ZNF445: variants seen among roughly 807,000 people sequenced by gnomAD.
ZNF445 encodes zinc finger protein 168.
A neutral mutation model predicts 93.9 loss-of-function variants in ZNF445; 19 were observed. The ratio of observed to expected loss-of-function variants is 0.20; its 90% CI spans 0.14 to 0.30. The LOEUF is 0.30. Ranked by LOEUF, ZNF445 falls within the 10% of genes least tolerant of loss-of-function variation. ZNF445 has a pLI of 1.00. For missense variants in ZNF445, 1,058 were observed against 1,259.4 expected (o/e 0.84, Z 2.42); for synonymous variants, 449 against 446.3 (o/e 1.01, Z -0.08).
At chr3:44,465,465 C>T (rs1453711678) in intron 1 of ZNF445, among the ~76,000 whole-genome samples, 1 of 152,072 alleles carries the variant, frequency 6.6e-6, no homozygotes, top group African/African-American at 2.4e-5. Context: ...TGATGTGGGG[C>T]CAAAATCTGG....
At chr3:44,449,480 G>A (rs1477812931) in intron 7 of ZNF445, 33 bp downstream of exon 7, 1 of 1,513,552 alleles carries the variant, frequency 6.6e-7, no homozygotes, top group African/African-American at 1.4e-5. Flanking sequence ...AAAAGCAGGA[G>A]GAGCAGGACC....
intron 1 of ZNF445, among the ~76,000 whole-genome samples, chr3:44,469,438 A>C (rs1272343618): frequency 6.6e-6 from 1 of 152,206 alleles, no homozygotes; most frequent in Non-Finnish European, 1.5e-5. Context: ...GAAAGATAGG[A>C]ACATGCATGA....
chr3:44,438,612 T>A lies in ZNF445; in HGVS notation c.*7963A>T, dbSNP rs1394243577. The A allele has an allele frequency of 1.3e-5, 2 of 151,956 alleles. No individual in the cohort carries two copies. Among genetic ancestry groups the A allele is most frequent in the East Asian group, 1.9e-4 (1 of 5,164 alleles). 9.4% of individuals were successfully genotyped at this position (151,956 alleles called of 1,614,324 possible). A position where few individuals can be genotyped will look rare whatever the true frequency, so the allele number is the denominator to read the frequency against. Reference sequence around the variant, plus strand: ...TGCCTGGCCAAAAAAATAATTTTTTTAAAAGGACTCCAGGCAATGATAGAC... The same window carrying A: ...TGCCTGGCCAAAAAAATAATTTTTTAAAAAGGACTCCAGGCAATGATAGAC... On this transcript the variant is annotated 3_prime_UTR_variant, in exon 8 of 8. Transcript: ENST00000396077.
chr3:44,473,436 G>A (rs1014429544), intron 1 of ZNF445, among the ~76,000 whole-genome samples: 13 of 141,174 alleles, frequency 9.2e-5, no homozygotes, highest in African/African-American at 2.2e-4. Flanking sequence ...CCTGGGCAAC[G>A]AGAGTGAAAC....
chr3:44,442,312 A>C lies in ZNF445; in HGVS notation c.*4263T>G, dbSNP rs1697822186. The C allele has an allele frequency of 6.6e-6, 1 of 152,216 alleles. No homozygotes were observed. The highest frequency in any genetic ancestry group is 6.5e-5 in the Admixed American group (1 of 15,276). The allele number at this position is 152,216 out of a possible 1,614,324, so 9.4% of individuals were successfully genotyped here. On this transcript the variant is annotated 3_prime_UTR_variant, in exon 8 of 8. Coordinates refer to ENST00000396077, the MANE Select transcript of ZNF445 (RefSeq NM_181489.6). ...AATACTTCAGTGAAGTCTTAAAATCATTCTCTGTTCACATGGCACTTCTCT... is the reference window on the plus strand; with the variant it reads ...AATACTTCAGTGAAGTCTTAAAATCCTTCTCTGTTCACATGGCACTTCTCT...
chr3:44,459,571 G>A (rs184460431), intron 1 of ZNF445, among the ~76,000 whole-genome samples: 5 of 152,188 alleles, frequency 3.3e-5, no homozygotes, highest in East Asian at 1.9e-4. Flanking sequence ...ACTTTTTAGC[G>A]GTGAAAATAT....
intron 1 of ZNF445, among the ~76,000 whole-genome samples, chr3:44,463,553 T>C (rs1469391456): frequency 1.3e-5 from 2 of 152,206 alleles, no homozygotes; most frequent in African/African-American, 2.4e-5. Flanking sequence ...TGTTATCTGA[T>C]GGTTTTGAGT....
intron 1 of ZNF445, among the ~76,000 whole-genome samples, chr3:44,461,472 A>C (rs1698113753): frequency 3.9e-5 from 6 of 152,170 alleles, no homozygotes; most frequent in Admixed American, 2.0e-4. Context: ...TGCTGATGGA[A>C]GTCCAGCAGG....
intron 1 of ZNF445, among the ~76,000 whole-genome samples, chr3:44,462,044 T>C (rs1430155946): frequency 2.3e-5 from 3 of 132,032 alleles, no homozygotes; most frequent in Non-Finnish European, 4.9e-5. Context: ...ATGTCACTAT[T>C]TGTCTCTCTG....
intron 1 of ZNF445, among the ~76,000 whole-genome samples, chr3:44,464,119 C>A (rs1305076563): frequency 6.6e-6 from 1 of 151,920 alleles, no homozygotes; most frequent in Non-Finnish European, 1.5e-5. Flanking sequence ...CAGTGAGACT[C>A]CATCTCAAAA....
In ZNF445 at chr3:44,436,967, G is replaced by GA. The variant is rs1187662193; in HGVS notation, c.*9607dup. On this transcript the variant is annotated 3_prime_UTR_variant, in exon 8 of 8. Transcript: ENST00000396077. ...GAGAGGGTTCTTGGATCTCGCACAA[G>GA]AAAGAATTCAGGGCGAGTCCGTAAA... 6.6e-6 allele frequency: 1 copy of GA among 152,162 alleles called. No homozygotes were observed. Among genetic ancestry groups the GA allele is most frequent in the Non-Finnish European group, 1.5e-5 (1 of 68,048 alleles). The allele number at this position is 152,162 out of a possible 1,614,324, so 9.4% of individuals were successfully genotyped here.
intron 1 of ZNF445, among the ~76,000 whole-genome samples, chr3:44,472,173 T>C (rs956206276): frequency 1.3e-5 from 2 of 152,206 alleles, no homozygotes; most frequent in South Asian, 2.1e-4. Flanking sequence ...GAGAAAGAAA[T>C]TGAGGCCAGA....
rs1458569846 is a variant in ZNF445, at chr3:44,442,661, T to G, written c.*3914A>C. The G allele has an allele frequency of 6.6e-6, 1 of 151,326 alleles. No homozygotes were observed. Among genetic ancestry groups the G allele is most frequent in the African/African-American group, 2.4e-5 (1 of 41,060 alleles). The allele number at this position is 151,326 out of a possible 1,614,324, so 9.4% of individuals were successfully genotyped here. On this transcript the variant is annotated 3_prime_UTR_variant, in exon 8 of 8. Transcript: ENST00000396077. ...CCCAACTTCAGTTCCTCCAAGGGAG[T>G]GGGGGAAAGGTGGGAAGGGTTGGAA... is the stretch of plus-strand genomic sequence containing the variant.
rs1299617976 is a variant in ZNF445, at chr3:44,449,292, TG to T, written c.931+220del. ...CAAGAACTATTATTGAGAGGGCTGCTGTGAGAAGGGGACAGGAGAATAGACA... is the reference window on the plus strand; with the variant it reads ...CAAGAACTATTATTGAGAGGGCTGCTTGAGAAGGGGACAGGAGAATAGACA... On this transcript the variant is annotated intron_variant, in intron 7 of 7. Coordinates refer to ENST00000396077, the MANE Select transcript of ZNF445 (RefSeq NM_181489.6). Among the ~76,000 whole-genome samples the T allele has an allele frequency of 5.3e-5, 8 of 151,748 alleles. No individual in the cohort carries two copies. The South Asian group carries it at 1.5e-3, about 28-fold the overall frequency.
intron 1 of ZNF445, among the ~76,000 whole-genome samples, chr3:44,459,690 C>T (rs1020392007): frequency 2.6e-5 from 4 of 152,182 alleles, no homozygotes; most frequent in African/African-American, 9.7e-5. Flanking sequence ...CATACAGAAT[C>T]CTGACATGGG....
rs1697835364 is a variant in ZNF445 at position 44,443,368 on chromosome 3, T to C, written c.*3207A>G. 6.6e-6 allele frequency: 1 copy of C among 152,186 alleles called. No individual in the cohort carries two copies. Among genetic ancestry groups the C allele is most frequent in the South Asian group, 2.1e-4 (1 of 4,830 alleles). 9.4% of individuals were successfully genotyped at this position (152,186 alleles called of 1,614,324 possible). ...AAAATTATTTGAAAACTCAGGTTAT[T>C]GGACAAATAGGTTCAGTATAATCCC... On this transcript the variant is annotated 3_prime_UTR_variant, in exon 8 of 8. Coordinates refer to ENST00000396077, the MANE Select transcript of ZNF445 (RefSeq NM_181489.6).
At chr3:44,472,023 AG>A (rs761497270) in intron 1 of ZNF445, among the ~76,000 whole-genome samples, 1 of 152,202 alleles carries the variant, frequency 6.6e-6, no homozygotes, top group Non-Finnish European at 1.5e-5. Flanking sequence ...ACACCTGATC[AG>A]GAGAAAGCTG....
rs1697943848 is a variant in ZNF445, at chr3:44,450,587, G to A, written c.694-14C>T. On this transcript the variant is annotated splice_polypyrimidine_tract_variant and intron_variant, in intron 5 of 7. Coordinates refer to ENST00000396077, the MANE Select transcript of ZNF445 (RefSeq NM_181489.6). ...AGTCATGGTCTCCTGAAAAAACACTGTGCCCTAGAGCTGGTCCACAGCTCC... is the reference window on the plus strand; with the variant it reads ...AGTCATGGTCTCCTGAAAAAACACTATGCCCTAGAGCTGGTCCACAGCTCC... 5 of 1,612,594 alleles carry A rather than the reference G, an allele frequency of 3.1e-6. No homozygotes were observed. Among genetic ancestry groups the A allele is most frequent in the Middle Eastern group, 1.7e-4 (1 of 6,050 alleles).
chr3:44,465,147 C>T (rs1057452958), intron 1 of ZNF445, among the ~76,000 whole-genome samples: 2 of 150,082 alleles, frequency 1.3e-5, no homozygotes, highest in Admixed American at 1.3e-4. Context: ...AACATTGTAA[C>T]ATTTAATTGA....
Sources: allele counts gnomAD v4.1 joint callset (sites outside exome capture counted in the v4.1 genomes callset), GRCh38; gene constraint gnomAD v4.1.1; transcripts MANE v1.5; gene names NCBI Gene and HGNC (gene_info 2026-07-23, HGNC 2026-07-21).